The following CYP2C19 variants were observed in gnomAD, a reference collection of about 807,000 sequenced individuals.
CYP2C19 encodes the protein cytochrome P450 2C19.
CYP2C19 carries 59 observed loss-of-function variants against 40.9 expected under a neutral mutation model. That is an observed-to-expected ratio of 1.44 (90% CI 1.17 to 1.79). CYP2C19 has a LOEUF of 1.79. CYP2C19 is among the 40% of genes most tolerant of loss of function. The pLI, the probability that CYP2C19 is intolerant of heterozygous loss-of-function variation, is 0.00. For missense variants in CYP2C19, 754 were observed against 596.9 expected, an observed-to-expected ratio of 1.26 and a Z score of -2.74; for synonymous variants, 253 against 208.7, an observed-to-expected ratio of 1.21 and a Z score of -1.83.
chr10:94,784,844 C>T (rs1293875094), intron 5 of CYP2C19, among the ~76,000 whole-genome samples: 1 of 152,076 alleles, frequency 6.6e-6, no homozygotes, highest in Non-Finnish European at 1.5e-5. Flanking sequence ...CCCACCTTGG[C>T]ATCCCTAAGT....
Position 94,807,121 on chromosome 10 carries a change from A to T in CYP2C19, c.820-13375A>T, listed in dbSNP as rs186518648. 3.1e-3 allele frequency among the ~76,000 whole-genome samples: 474 copies of T among 152,244 alleles called. 3 individuals carry two copies. The highest frequency in any genetic ancestry group is 0.011 in the African/African-American group (451 of 41,564). The stretch of plus-strand genomic sequence containing the variant: ...GATTAACTTTCTTAGCTACCATATA[A>T]GAATAAGAACATGCGTTATTTATCT... On this transcript the variant is annotated intron_variant, in intron 5 of 8. Coordinates refer to ENST00000371321, the MANE Select transcript of CYP2C19 (RefSeq NM_000769.4).
rs767900850 is a variant in CYP2C19 at position 94,853,362 on chromosome 10, A to G, written c.*448A>G. ...TGCTGGTTCTCAAAACGATAAGGAC[A>G]GAAAGGACAAAGGTGAAGATGGTAG... On this transcript the variant is annotated 3_prime_UTR_variant, in exon 9 of 9. Transcript: ENST00000371321. Among the ~76,000 whole-genome samples the G allele has an allele frequency of 1.8e-4, 28 of 152,322 alleles. No homozygotes were observed. The highest frequency in any genetic ancestry group is 3.4e-4 in the Non-Finnish European group (23 of 68,038).
At chr10:94,846,969 C>G (rs1476672351) in intron 7 of CYP2C19, among the ~76,000 whole-genome samples, 2 of 152,108 alleles carry the variant, frequency 1.3e-5, no homozygotes, top group African/African-American at 4.8e-5. Flanking sequence ...TTCTAGAAGA[C>G]GTCGTTTGAA....
At chr10:94,811,638 C>A (rs540871827) in intron 5 of CYP2C19, among the ~76,000 whole-genome samples, 6 of 151,332 alleles carry the variant, frequency 4.0e-5, no homozygotes, top group Non-Finnish European at 8.9e-5. Flanking sequence ...TTATATGATA[C>A]CACCCCTTTT....
In CYP2C19 at chr10:94,843,701, G is replaced by A. The variant is rs117956089; in HGVS notation, c.1149+677G>A. Among the ~76,000 whole-genome samples, 1,358 of 152,234 alleles carry A rather than the reference G, an allele frequency of 8.9e-3. 9 individuals carry two copies. The highest frequency in any genetic ancestry group is 0.012 in the Non-Finnish European group (805 of 68,004). On this transcript the variant is annotated intron_variant, in intron 7 of 8. Transcript: ENST00000371321. ...TTTCTGTGAACAGTACACTGTATCT[G>A]TGTTAATATTGTTTTATTTCTTACT... is the stretch of plus-strand genomic sequence containing the variant.
rs750669060 is a variant in CYP2C19 at position 94,849,972 on chromosome 10, C to A, written c.1205C>A (p.Pro402His). 5.6e-6 allele frequency: 9 copies of A among 1,613,572 alleles called. No homozygotes were observed. The highest frequency in any genetic ancestry group is 7.6e-6 in the Non-Finnish European group (9 of 1,179,786). Residue 402 changes from proline to histidine, a missense_variant, in exon 8 of 9, where the codon CCC (proline) becomes CAC (histidine). Pro to His is a moderately conservative substitution (Grantham distance 77). Coordinates refer to ENST00000371321, the MANE Select transcript of CYP2C19 (RefSeq NM_000769.4). ...GTGCTACATGACAACAAAGAATTTC[C>A]CAACCCAGAGATGTTTGACCCTCGT... ...TSVLHDNKEFPNPEMFDPRHF... is the reference protein window; with the variant it reads ...TSVLHDNKEFHNPEMFDPRHF...
chr10:94,813,268 A>T (rs1589364010), intron 5 of CYP2C19, among the ~76,000 whole-genome samples: 2 of 152,014 alleles, frequency 1.3e-5, no homozygotes, highest in South Asian at 4.1e-4. Flanking sequence ...CACTTGCCAG[A>T]TACCAGCCAA....
At chr10:94,799,098 T>C (rs1176648815) in intron 5 of CYP2C19, among the ~76,000 whole-genome samples, 1 of 152,014 alleles carries the variant, frequency 6.6e-6, no homozygotes, top group Non-Finnish European at 1.5e-5. Flanking sequence ...TTCATAGCAT[T>C]GATGGTCTTT....
chr10:94,763,060 A>G (rs1848194691), intron 1 of CYP2C19, among the ~76,000 whole-genome samples, 187 bp downstream of exon 1: 2 of 152,166 alleles, frequency 1.3e-5, no homozygotes, highest in Admixed American at 6.5e-5. Flanking sequence ...ATATTTTGTT[A>G]TTAGAGAAAG....
chr10:94,832,994 T>C (rs1849355398), intron 6 of CYP2C19, among the ~76,000 whole-genome samples: 1 of 152,194 alleles, frequency 6.6e-6, no homozygotes, highest in East Asian at 1.9e-4. Context: ...TTAAATTAAT[T>C]CCTAGGTATT....
At chr10:94,786,826 G>A (rs1225973228) in intron 5 of CYP2C19, among the ~76,000 whole-genome samples, 1 of 152,078 alleles carries the variant, frequency 6.6e-6, no homozygotes, top group Non-Finnish European at 1.5e-5. Flanking sequence ...CTGCATCTAT[G>A]TTGCTGCAAA....
intron 6 of CYP2C19, among the ~76,000 whole-genome samples, chr10:94,827,706 C>T (rs1849252932): frequency 6.6e-6 from 1 of 152,152 alleles, no homozygotes; most frequent in Non-Finnish European, 1.5e-5. Context: ...CTTCTGCTAG[C>T]ATTTGAATGT....
At chr10:94,778,062 GA>G (rs2134238266) in intron 3 of CYP2C19, among the ~76,000 whole-genome samples, 1 of 152,298 alleles carries the variant, frequency 6.6e-6, no homozygotes, top group South Asian at 2.1e-4. Flanking sequence ...GCAGCTAGGG[GA>G]CTGTCTGGCT....
At chr10:94,830,579 G>A (rs571134705) in intron 6 of CYP2C19, among the ~76,000 whole-genome samples, 10 of 152,036 alleles carry the variant, frequency 6.6e-5, no homozygotes, top group East Asian at 3.9e-4. Flanking sequence ...GAGATGAACC[G>A]GGTACCTCAG....
At chr10:94,788,731 CTCTA>C (rs995242939) in intron 5 of CYP2C19, among the ~76,000 whole-genome samples, 17 of 152,262 alleles carry the variant, frequency 1.1e-4, no homozygotes, top group African/African-American at 3.1e-4. Flanking sequence ...GCCATATTTT[CTCTA>C]TCTGTCTATC....
At chr10:94,791,088 A>G (rs556268366) in intron 5 of CYP2C19, among the ~76,000 whole-genome samples, 2 of 152,126 alleles carry the variant, frequency 1.3e-5, no homozygotes, top group East Asian at 3.9e-4. Flanking sequence ...TTCCTGGTTT[A>G]GTCTTGGGAG....
chr10:94,837,158 C>T (rs891287403), intron 6 of CYP2C19, among the ~76,000 whole-genome samples: 2 of 152,176 alleles, frequency 1.3e-5, no homozygotes, highest in African/African-American at 4.8e-5. Context: ...AACAGCCTCA[C>T]TGATAATCCT....
intron 5 of CYP2C19, among the ~76,000 whole-genome samples, chr10:94,801,743 G>A (rs1464343243): frequency 2.0e-5 from 3 of 152,108 alleles, no homozygotes; most frequent in African/African-American, 7.2e-5. Flanking sequence ...TTTTAGGTCT[G>A]TAAGAACTTG....
chr10:94,772,090 C>T (rs1848341488), intron 1 of CYP2C19, among the ~76,000 whole-genome samples: 1 of 152,036 alleles, frequency 6.6e-6, no homozygotes, highest in East Asian at 1.9e-4. Flanking sequence ...GATGTTATGC[C>T]CCAAAAATGA....
Sources: allele counts gnomAD v4.1 joint callset (sites outside exome capture counted in the v4.1 genomes callset), GRCh38; gene constraint gnomAD v4.1.1; transcripts MANE v1.5; gene names NCBI Gene and HGNC (gene_info 2026-07-23, HGNC 2026-07-21).